RPIA: variants seen among roughly 807,000 people sequenced by gnomAD.
RPIA encodes ribose 5-phosphate isomerase A, also known as ribose-5-phosphate isomerase.
A neutral mutation model predicts 37.8 loss-of-function variants in RPIA; 29 were observed. The observed-to-expected ratio is 0.77, with a 90% CI of 0.57 to 1.05. The LOEUF (loss-of-function observed/expected upper bound fraction) is 1.05. RPIA is among the 50% of genes least tolerant of loss of function. The pLI is 0.00. For synonymous variants in RPIA, 167 were observed against 157.0 expected, an observed-to-expected ratio of 1.06 and a Z score of -0.48; for missense variants, 385 against 413.6, an observed-to-expected ratio of 0.93 and a Z score of 0.60.
chr2:88,739,322 C>T (rs10185325), intron 8 of RPIA, among the ~76,000 whole-genome samples: 9,201 of 152,196 alleles, frequency 0.06, 492 homozygotes, highest in African/African-American at 0.14. Context: ...TGTGCTCTGG[C>T]GTGTTACCTT....
At chr2:88,741,193 C>G (rs1558700542) in intron 8 of RPIA, among the ~76,000 whole-genome samples, 1 of 152,170 alleles carries the variant, frequency 6.6e-6, no homozygotes, top group African/African-American at 2.4e-5. Context: ...AATGCATAGT[C>G]TTTTCTCCCT....
rs1673492344 is a variant in RPIA, at chr2:88,750,492, GTGATCTCC to G, written c.*419_*426del. On this transcript the variant is annotated 3_prime_UTR_variant, in exon 9 of 9. Transcript: ENST00000283646. ...TGGTAAAGTGAGGGGCCCACCAGCA[GTGATCTCC>G]TGATGCCTTACTGGAAACTTTGTTT... The G allele has an allele frequency of 2.3e-6, 1 of 429,890 alleles. No individual in the cohort carries two copies. The highest frequency in any genetic ancestry group is 2.0e-5 in the African/African-American group (1 of 48,904). The allele number at this position is 429,890 out of a possible 1,614,324, so 26.6% of individuals were successfully genotyped here.
intron 8 of RPIA, among the ~76,000 whole-genome samples, chr2:88,745,426 A>G (rs1673428347): frequency 6.6e-6 from 1 of 152,194 alleles, no homozygotes; most frequent in African/African-American, 2.4e-5. Context: ...TGAGTTTTGT[A>G]TCAAGATTTA....
chr2:88,698,656 G>GT (rs1672789201), intron 2 of RPIA, 112 bp downstream of exon 2: 1 of 945,460 alleles, frequency 1.1e-6, no homozygotes, highest in Non-Finnish European at 1.8e-6. Flanking sequence ...GGCTTCAGCA[G>GT]TACAGAGCTG....
rs558228096 is a variant in RPIA, at chr2:88,714,757, G to A, written c.403-14521G>A. On this transcript the variant is annotated intron_variant, in intron 3 of 8. Coordinates refer to ENST00000283646, the MANE Select transcript of RPIA (RefSeq NM_144563.3). ...TTCTCTTGTTTTCAACACAATACCT[G>A]TGGTAGATGAGAGAAAGTGCAGCAT... Among the ~76,000 whole-genome samples the A allele has an allele frequency of 1.1e-4, 17 of 152,334 alleles. No homozygotes were observed. The East Asian group carries it at 2.5e-3, about 22-fold the overall frequency.
chr2:88,721,366 T>A (rs1181146590), intron 3 of RPIA, among the ~76,000 whole-genome samples: 4 of 150,232 alleles, frequency 2.7e-5, no homozygotes, highest in African/African-American at 4.9e-5. Context: ...AAGTATAATT[T>A]AAAAAAAAGA....
intron 5 of RPIA, 127 bp from the exon 6 acceptor site, chr2:88,735,542 A>T: frequency 1.1e-6 from 1 of 872,488 alleles, no homozygotes; most frequent in Non-Finnish European, 2.0e-6. Flanking sequence ...ATGTCCCTTT[A>T]AAAATTAAAA....
chr2:88,750,116 A>C lies in RPIA; in HGVS notation c.*38A>C, dbSNP rs552241099. On this transcript the variant is annotated 3_prime_UTR_variant, in exon 9 of 9. Transcript: ENST00000283646. Reference sequence around the variant, plus strand: ...CAGAGTGTGTTCACCTTGAGTCTCCAGCCCACAGCCAAGGTGGACGTACCT... The same window carrying C: ...CAGAGTGTGTTCACCTTGAGTCTCCCGCCCACAGCCAAGGTGGACGTACCT... The C allele has an allele frequency of 7.6e-6, 11 of 1,447,788 alleles. No homozygotes were observed. In the East Asian group the frequency reaches 1.6e-4, roughly 21 times the overall value. The allele number at this position is 1,447,788 out of a possible 1,614,324, so 89.7% of individuals were successfully genotyped here. A position where few individuals can be genotyped will look rare whatever the true frequency, so the allele number is the denominator to read the frequency against.
At chr2:88,700,125 G>A in intron 3 of RPIA, 61 bp downstream of exon 3, 2 of 1,538,280 alleles carry the variant, frequency 1.3e-6, no homozygotes, top group Non-Finnish European at 1.8e-6. Context: ...GTTCCCCGGG[G>A]TTGTGGACCT....
chr2:88,693,624 C>T (rs1379521361), intron 1 of RPIA, among the ~76,000 whole-genome samples: 1 of 152,216 alleles, frequency 6.6e-6, no homozygotes, highest in Non-Finnish European at 1.5e-5. Flanking sequence ...GGGTAGTTAA[C>T]CTTCATTTAG....
At chr2:88,743,573 CT>C (rs35515010) in intron 8 of RPIA, among the ~76,000 whole-genome samples, 1 of 151,900 alleles carries the variant, frequency 6.6e-6, no homozygotes, top group Non-Finnish European at 1.5e-5. Flanking sequence ...AGAGGATTCC[CT>C]TTTTTTCCCA....
chr2:88,721,311 C>T (rs1347187763), intron 3 of RPIA, among the ~76,000 whole-genome samples: 7 of 151,494 alleles, frequency 4.6e-5, no homozygotes, highest in Non-Finnish European at 4.4e-5. Flanking sequence ...ATGTATATAC[C>T]TATGTAGCAA....
At position 88,734,614 on chromosome 2, in the gene RPIA, C is replaced by T. The variant is rs369259154; in HGVS notation, c.525C>T (p.Gly175=). The T allele has an allele frequency of 2.9e-5, 47 of 1,614,032 alleles. No individual in the cohort carries two copies. Among genetic ancestry groups the T allele is most frequent in the East Asian group, 4.5e-5 (2 of 44,876 alleles). ...CTGATCTCAATCTCATCAAGGGTGG[C>T]GGGTGAGTGTTGTGGGGGCTTCTGT... ...VDADLNLIKG[G]GGCLTQEKIV... Residue 175 remains glycine, a splice_region_variant and synonymous_variant, in exon 5 of 9, where the codon GGC becomes GGT. Transcript: ENST00000283646.
In RPIA at chr2:88,736,694, G is replaced by T; in HGVS notation, c.738+18G>T. ...ACAAGGCTGTGAGTGGCCTGGTTGG[G>T]CCGGGGGTGTGCTGGGTGCACTCAG... On this transcript the variant is annotated intron_variant, in intron 7 of 8. Transcript: ENST00000283646. 1.2e-6 allele frequency: 2 copies of T among 1,605,502 alleles called. No individual in the cohort carries two copies. Among genetic ancestry groups the T allele is most frequent in the Non-Finnish European group, 1.7e-6 (2 of 1,172,768 alleles).
At chr2:88,718,409 T>C (rs1300614149) in intron 3 of RPIA, among the ~76,000 whole-genome samples, 2 of 152,196 alleles carry the variant, frequency 1.3e-5, no homozygotes, top group Non-Finnish European at 2.9e-5. Flanking sequence ...GAATCTCAGA[T>C]AAGACTCCTT....
At chr2:88,711,067 A>T (rs1443097490) in intron 3 of RPIA, among the ~76,000 whole-genome samples, 1 of 152,218 alleles carries the variant, frequency 6.6e-6, no homozygotes, top group Non-Finnish European at 1.5e-5. Context: ...ACTACATGTC[A>T]TGAGGAATCT....
At chr2:88,696,068 C>G (rs1672741607) in intron 1 of RPIA, among the ~76,000 whole-genome samples, 1 of 152,052 alleles carries the variant, frequency 6.6e-6, no homozygotes, top group Non-Finnish European at 1.5e-5. Flanking sequence ...GGCCTTTGTC[C>G]TGTGGGGAAT....
chr2:88,694,366 C>T (rs931173282), intron 1 of RPIA, among the ~76,000 whole-genome samples: 7 of 152,196 alleles, frequency 4.6e-5, no homozygotes, highest in Non-Finnish European at 8.8e-5. Flanking sequence ...CTGATTCATC[C>T]GAATTCACCT....
In RPIA at chr2:88,729,346, G is replaced by C; in HGVS notation, c.462+9G>C. 4 of 1,613,672 alleles carry C rather than the reference G, an allele frequency of 2.5e-6. No homozygotes were observed. Among genetic ancestry groups the C allele is most frequent in the Non-Finnish European group, 3.4e-6 (4 of 1,179,564 alleles). On this transcript the variant is annotated intron_variant, in intron 4 of 8. Coordinates refer to ENST00000283646, the MANE Select transcript of RPIA (RefSeq NM_144563.3). ...TGGATCGACACCCAGAGGTAAGATT[G>C]CCACTCAGAGGCAGACCACTGCGTA...
Sources: gnomAD v4.1 joint callset for allele counts (sites outside exome capture counted in the v4.1 genomes callset) on GRCh38, gnomAD v4.1.1 for gene constraint, MANE v1.5 for transcripts, NCBI Gene and HGNC (gene_info 2026-07-23, HGNC 2026-07-21) for gene names.